Variants in F2 observed in about 807,000 individuals in gnomAD.
The protein encoded by F2 is coagulation factor II, thrombin.
Under a neutral mutation model 81.9 loss-of-function variants are expected in F2, and 34 were observed. The observed-to-expected ratio is 0.42, with a 90% CI of 0.32 to 0.55. The LOEUF is 0.55. F2 is among the 20% of genes least tolerant of loss of function. F2 has a pLI of 0.18. For missense variants in F2, 630 were observed against 833.4 expected, an observed-to-expected ratio of 0.76 and a Z score of 3.00; for synonymous variants, 296 against 326.4, an observed-to-expected ratio of 0.91 and a Z score of 1.01.
Position 46,719,717 on chromosome 11 carries a change from A to T in F2, c.95A>T (p.Gln32Leu). ...CGCCTTACAGTGTTCCTGGCTCCTC[A>T]GCAAGCACGGTCGCTGCTCCAGCGG... ...VHSQHVFLAPQQARSLLQRVR... is the reference protein window; with the variant it reads ...VHSQHVFLAPLQARSLLQRVR... Residue 32 changes from glutamine to leucine, a missense_variant, in exon 2 of 14, where the codon CAG becomes CTG. By Grantham distance (113) the Gln-to-Leu change is moderately radical (BLOSUM62 -2). Coordinates refer to ENST00000311907, the MANE Select transcript of F2 (RefSeq NM_000506.5). This position sits in a 1 kb window ranked among gnomAD's most constrained non-coding sequence, Gnocchi z 4.7. 1 of 1,592,738 alleles carries T rather than the reference A, an allele frequency of 6.3e-7. No individual in the cohort carries two copies. The highest frequency in any genetic ancestry group is 8.5e-7 in the Non-Finnish European group (1 of 1,170,930).
At chr11:46,729,099 G>A (rs1484844641) in intron 11 of F2, among the ~76,000 whole-genome samples, 3 of 152,018 alleles carry the variant, frequency 2.0e-5, no homozygotes, top group Non-Finnish European at 2.9e-5. Flanking sequence ...GGGTTCAAGC[G>A]ACTCTCCTGC....
Position 46,726,390 on chromosome 11 carries a change from A to G in F2, c.875-108A>G. On this transcript the variant is annotated intron_variant, in intron 7 of 13. Coordinates refer to ENST00000311907, the MANE Select transcript of F2 (RefSeq NM_000506.5). The surrounding 1 kb of genome is among the most constrained non-coding windows in gnomAD (Gnocchi z 5.9). ...GTAGCCCAACTGTGCATGCACGCTT[A>G]ACCTCTGCACCAAATGGCCTCCAAG... The G allele has an allele frequency of 6.5e-7, 1 of 1,544,734 alleles. No homozygotes were observed. Among genetic ancestry groups the G allele is most frequent in the South Asian group, 1.2e-5 (1 of 83,912 alleles).
At chr11:46,735,970 C>T (rs550956563) in intron 12 of F2, among the ~76,000 whole-genome samples, 5 of 151,932 alleles carry the variant, frequency 3.3e-5, no homozygotes, top group Admixed American at 2.6e-4. Flanking sequence ...TTTGGGAGGC[C>T]GAGGTGGGTG....
chr11:46,722,481 G>A (rs1021510613), intron 4 of F2, among the ~76,000 whole-genome samples: 3 of 152,134 alleles, frequency 2.0e-5, no homozygotes, highest in Non-Finnish European at 4.4e-5. Flanking sequence ...CTAGCTACTA[G>A]GGAGGCTGAT....
intron 12 of F2, among the ~76,000 whole-genome samples, chr11:46,734,672 G>A (rs181385907): frequency 2.1e-4 from 32 of 152,204 alleles, no homozygotes; most frequent in Non-Finnish European, 3.2e-4. Flanking sequence ...TTAGCTGGGC[G>A]TGGTGGCTGA....
At position 46,728,302 on chromosome 11, in the gene F2, A is replaced by G; in HGVS notation, c.1298+139A>G. 4 of 1,037,682 alleles carry G rather than the reference A, an allele frequency of 3.9e-6. No individual in the cohort carries two copies. The South Asian group carries it at 4.1e-5, about 11-fold the overall frequency. The allele number at this position is 1,037,682 out of a possible 1,614,324, so 64.3% of individuals were successfully genotyped here. A position where few individuals can be genotyped will look rare whatever the true frequency, so the allele number is the denominator to read the frequency against. On this transcript the variant is annotated intron_variant, in intron 10 of 13. Transcript: ENST00000311907. This position sits in a 1 kb window ranked among gnomAD's most constrained non-coding sequence, Gnocchi z 5.1. ...ATAACATCCCAGCAGTCTCTGCTGG[A>G]AAGCCCATTTGGTCACGTCCTGACT... is the stretch of plus-strand genomic sequence containing the variant.
In F2 at chr11:46,728,897, A is replaced by C; in HGVS notation, c.1472+60A>C. 6.3e-7 allele frequency: 1 copy of C among 1,583,010 alleles called. No individual in the cohort carries two copies. On this transcript the variant is annotated intron_variant, in intron 11 of 13. Coordinates refer to ENST00000311907, the MANE Select transcript of F2 (RefSeq NM_000506.5). The surrounding 1 kb of genome is among the most constrained non-coding windows in gnomAD (Gnocchi z 5.1). ...AAGCCAAGTTCTGGGCCTGGCTCTG[A>C]TACCAAGTAGCCTTGCAAGAGCCCC...
Position 46,719,844 on chromosome 11 carries a change from G to A in F2, c.222G>A (p.Leu74=), listed in dbSNP as rs1004064124. 6.3e-7 allele frequency: 1 copy of A among 1,574,960 alleles called. No homozygotes were observed. The highest frequency in any genetic ancestry group is 8.6e-7 in the Non-Finnish European group (1 of 1,161,168). Residue 74 remains leucine (L), a synonymous_variant, in exon 2 of 14, where the codon CTG becomes CTA. Transcript: ENST00000311907. This position sits in a 1 kb window ranked among gnomAD's most constrained non-coding sequence, Gnocchi z 4.7. ...GCTACGAGGAGGCCTTCGAGGCTCT[G>A]GAGTCCTCCACGGCTACGGTGAGCC... The part of the protein sequence containing the change: ...TCSYEEAFEA[L]ESSTATDVFW...
At position 46,728,013 on chromosome 11, in the gene F2, G is replaced by T; in HGVS notation, c.1148G>T (p.Arg383Leu). ...CCTCCCAGGCAGGTGATGCTTTTCC[G>T]GAAGAGTCCCCAGGAGCTGCTGTGT... Reference protein sequence around the residue: ...GMSPWQVMLFRKSPQELLCGA... With the variant: ...GMSPWQVMLFLKSPQELLCGA... The change falls in exon 10 of 14, where the codon CGG becomes CTG. Residue 383 changes from arginine (R) to leucine (L), a missense_variant. By Grantham distance (102) the Arg-to-Leu change is moderately radical. Transcript: ENST00000311907. The surrounding 1 kb of genome is among the most constrained non-coding windows in gnomAD (Gnocchi z 5.1). 6.2e-7 allele frequency: 1 copy of T among 1,610,516 alleles called. No homozygotes were observed.
In F2 at chr11:46,728,151, A is replaced by G. The variant is rs2064888258; in HGVS notation, c.1286A>G (p.His429Arg). 1 of 1,608,368 alleles carries G rather than the reference A, an allele frequency of 6.2e-7. No homozygotes were observed. Among genetic ancestry groups the G allele is most frequent in the African/African-American group, 1.3e-5 (1 of 74,584 alleles). ...GACCTTCTGGTGCGCATTGGCAAGC[A>G]CTCCCGCACCAGGTACAGAACTGGT... ...ENDLLVRIGK[H>R]SRTRYERNIE... The change falls in exon 10 of 14, where the codon CAC becomes CGC. Residue 429 changes from histidine to arginine, a missense_variant. By Grantham distance (29) the His-to-Arg change is conservative. Coordinates refer to ENST00000311907, the MANE Select transcript of F2 (RefSeq NM_000506.5). The surrounding 1 kb of genome is among the most constrained non-coding windows in gnomAD (Gnocchi z 5.1).
chr11:46,729,542 T>G lies in F2; in HGVS notation c.1635T>G (p.Thr545=), dbSNP rs200301868. ...AGGACTCCACCCGGATCCGCATCAC[T>G]GACAACATGTTCTGTGCTGGCAAGT... The part of the protein sequence containing the change: ...VCKDSTRIRI[T]DNMFCAGYKP... The change falls in exon 12 of 14, where the codon ACT becomes ACG. Residue 545 remains threonine, a synonymous_variant. Transcript: ENST00000311907. 55 of 1,613,662 alleles carry G rather than the reference T, an allele frequency of 3.4e-5. No individual in the cohort carries two copies. The East Asian group carries it at 1.2e-3, about 35-fold the overall frequency.
intron 11 of F2, 115 bp from the exon 12 acceptor site, chr11:46,729,265 C>A (rs949331010): frequency 1.0e-5 from 12 of 1,202,942 alleles, no homozygotes; most frequent in Non-Finnish European, 1.4e-5. Context: ...CAGGCGTGAA[C>A]GTCTGTGCCC....
chr11:46,734,995 CT>C (rs2064935453), intron 12 of F2, among the ~76,000 whole-genome samples: 1 of 152,148 alleles, frequency 6.6e-6, no homozygotes, highest in Admixed American at 6.6e-5. Context: ...TTCCAAATGG[CT>C]AACTAGCTGT....
At chr11:46,724,477 A>C (rs1463558557) in intron 6 of F2, among the ~76,000 whole-genome samples, 2 of 152,172 alleles carry the variant, frequency 1.3e-5, no homozygotes, top group African/African-American at 4.8e-5. Context: ...AACTCTTCTT[A>C]TGCTGATGAC....
chr11:46,739,186 TAGA>T, intron 13 of F2, 68 bp downstream of exon 13: 1 of 1,613,602 alleles, frequency 6.2e-7, no homozygotes, highest in Non-Finnish European at 8.5e-7. Context: ...CTCTAGTATC[TAGA>T]AACAGTTGCC....
At position 46,731,695 on chromosome 11, in the gene F2, C is replaced by T. The variant is rs374035684; in HGVS notation, c.1654+2134C>T. Among the ~76,000 whole-genome samples the T allele has an allele frequency of 1.1e-4, 17 of 152,028 alleles. No individual in the cohort carries two copies. The East Asian group carries it at 2.5e-3, about 22-fold the overall frequency. ...TTATTTTGTACACTGGCCCTGAATC[C>T]GGGTTTGTCTAAGGTTTCCTCACGG... is the stretch of plus-strand genomic sequence containing the variant. On this transcript the variant is annotated intron_variant, in intron 12 of 13. Transcript: ENST00000311907.
At chr11:46,721,297 C>T (rs1249200707) in intron 4 of F2, among the ~76,000 whole-genome samples, 1 of 152,208 alleles carries the variant, frequency 6.6e-6, no homozygotes, top group African/African-American at 2.4e-5. Context: ...CCACCTCGGC[C>T]TCAAAGTGCT....
At position 46,719,339 on chromosome 11, in the gene F2, AC is replaced by A; in HGVS notation, c.79+26del. ...GGTAAGGGAGTGCTTGCAGGCTGGA[AC>A]AGGCTGGAGGACTGGGGTGTGGGCC... On this transcript the variant is annotated intron_variant, in intron 1 of 13. Coordinates refer to ENST00000311907, the MANE Select transcript of F2 (RefSeq NM_000506.5). This position sits in a 1 kb window ranked among gnomAD's most constrained non-coding sequence, Gnocchi z 4.7. 2 of 1,606,056 alleles carry A rather than the reference AC, an allele frequency of 1.2e-6. No homozygotes were observed. Among genetic ancestry groups the A allele is most frequent in the Non-Finnish European group, 1.7e-6 (2 of 1,176,546 alleles).
At position 46,719,613 on chromosome 11, in the gene F2, G is replaced by T; in HGVS notation, c.80-89G>T. The T allele has an allele frequency of 6.7e-7, 1 of 1,498,150 alleles. No individual in the cohort carries two copies. Among genetic ancestry groups the T allele is most frequent in the South Asian group, 1.2e-5 (1 of 82,322 alleles). 92.8% of individuals were successfully genotyped at this position (1,498,150 alleles called of 1,614,324 possible). On this transcript the variant is annotated intron_variant, in intron 1 of 13. Transcript: ENST00000311907. This position sits in a 1 kb window ranked among gnomAD's most constrained non-coding sequence, Gnocchi z 4.7. ...GACAGCCTCTCTCAGAAGCCAGCAG[G>T]GGAGGGTGGGCTTGCTTCATGCCCC...
Sources: allele counts gnomAD v4.1 joint callset (sites outside exome capture counted in the v4.1 genomes callset), GRCh38; gene constraint gnomAD v4.1.1; non-coding constraint Gnocchi (gnomAD v3.1); transcripts MANE v1.5; gene names NCBI Gene and HGNC (gene_info 2026-07-23, HGNC 2026-07-21).